Variants in NCOA7 observed in about 807,000 individuals in gnomAD.
NCOA7 encodes the protein nuclear receptor coactivator 7.
NCOA7 carries 45 observed loss-of-function variants against 104.3 expected under a neutral mutation model. The observed-to-expected ratio is 0.43, with a 90% CI of 0.34 to 0.55. NCOA7 has a LOEUF of 0.55. Ranked by LOEUF, NCOA7 falls within the 20% of genes least tolerant of loss-of-function variation. NCOA7 has a pLI of 0.02. For synonymous variants in NCOA7, 398 were observed against 402.3 expected, an observed-to-expected ratio of 0.99 and a Z score of 0.13; for missense variants, 1,041 against 1,119.7, an observed-to-expected ratio of 0.93 and a Z score of 1.00.
At chr6:125,782,584 G>A (rs1472295109) in intron 1 of NCOA7, among the ~76,000 whole-genome samples, 3 of 152,200 alleles carry the variant, frequency 2.0e-5, no homozygotes, top group Admixed American at 2.0e-4. Context: ...CTCTGGAACA[G>A]TTTCCCCAGC....
chr6:125,788,544 T>TTC (rs1274690421), upstream of NCOA7, among the ~76,000 whole-genome samples: 1 of 151,664 alleles, frequency 6.6e-6, no homozygotes, highest in African/African-American at 2.4e-5. Flanking sequence ...GAAGACCTTT[T>TTC]TTTTTTTTTT....
chr6:125,927,909 G>A, intron 14 of NCOA7, 151 bp downstream of exon 14: 1 of 732,210 alleles, frequency 1.4e-6, no homozygotes, highest in Non-Finnish European at 2.3e-6. Context: ...CTCGCAAACT[G>A]CTTAGCGTCC....
At chr6:125,834,819 G>A (rs1316032547) in intron 2 of NCOA7, among the ~76,000 whole-genome samples, 1 of 152,176 alleles carries the variant, frequency 6.6e-6, no homozygotes, top group African/African-American at 2.4e-5. Flanking sequence ...AAAAGAGATA[G>A]GAAGTGGGCT....
chr6:125,901,784 G>A (rs1785527628), intron 10 of NCOA7, among the ~76,000 whole-genome samples: 1 of 152,168 alleles, frequency 6.6e-6, no homozygotes, highest in Non-Finnish European at 1.5e-5. Flanking sequence ...AAGAAATCAG[G>A]TCCCATGGCC....
At chr6:125,816,098 G>A (rs1777568985) in intron 2 of NCOA7, among the ~76,000 whole-genome samples, 1 of 152,142 alleles carries the variant, frequency 6.6e-6, no homozygotes, top group South Asian at 2.1e-4. Context: ...CTCCTAAATT[G>A]AAATACATGT....
chr6:125,879,816 G>A (rs1438776406), intron 5 of NCOA7, among the ~76,000 whole-genome samples: 2 of 152,112 alleles, frequency 1.3e-5, no homozygotes, highest in African/African-American at 4.8e-5. Flanking sequence ...GACCAACATG[G>A]TGAAACCCCA....
chr6:125,850,738 C>T (rs1262199249), intron 2 of NCOA7, among the ~76,000 whole-genome samples: 1 of 152,178 alleles, frequency 6.6e-6, no homozygotes, highest in East Asian at 1.9e-4. Context: ...GAATCACCTT[C>T]GGAAGGGGGC....
chr6:125,840,868 G>GTTTTTTTTTTTTTTTTTTT lies in NCOA7; in HGVS notation c.51-14128_51-14110dup, dbSNP rs57168444. ...TTTTATGGTTTTTTTTGTTTGGTTG[G>GTTTTTTTTTTTTTTTTTTT]TTTTTTTTTTTTTTTTTTTTTTTTT... On this transcript the variant is annotated intron_variant, in intron 2 of 15. Transcript: ENST00000392477. Among the ~76,000 whole-genome samples, 20 of 40,376 alleles carry GTTTTTTTTTTTTTTTTTTT rather than the reference G, an allele frequency of 5.0e-4. 2 individuals are homozygous for GTTTTTTTTTTTTTTTTTTT. Among genetic ancestry groups the GTTTTTTTTTTTTTTTTTTT allele is most frequent in the South Asian group, 1.3e-3 (1 of 800 alleles). The allele number at this position is 40,376 out of a possible 152,430, so 26.5% of individuals were successfully genotyped here.
chr6:125,828,516 A>T (rs1353692796), intron 2 of NCOA7, among the ~76,000 whole-genome samples: 1 of 152,188 alleles, frequency 6.6e-6, no homozygotes, highest in Non-Finnish European at 1.5e-5. Context: ...CCTTGGCAGG[A>T]GGAAGATGTG....
At chr6:125,906,340 C>T (rs991285951) in intron 10 of NCOA7, among the ~76,000 whole-genome samples, 1 of 151,740 alleles carries the variant, frequency 6.6e-6, no homozygotes, top group Non-Finnish European at 1.5e-5. Context: ...GTGGGGTGAG[C>T]TTGAAAAAAT....
At chr6:125,856,043 C>A (rs947000508) in intron 3 of NCOA7, among the ~76,000 whole-genome samples, 1 of 152,084 alleles carries the variant, frequency 6.6e-6, no homozygotes, top group Non-Finnish European at 1.5e-5. Flanking sequence ...CCTGAATCAC[C>A]CATCTCACAC....
At chr6:125,801,481 G>GT (rs1433765347) in intron 1 of NCOA7, among the ~76,000 whole-genome samples, 3 of 152,210 alleles carry the variant, frequency 2.0e-5, no homozygotes, top group Non-Finnish European at 1.5e-5. Flanking sequence ...GTGTATAAAA[G>GT]TAATTTAAAA....
chr6:125,866,011 A>G (rs141729693), intron 3 of NCOA7, among the ~76,000 whole-genome samples: 1,779 of 136,976 alleles, frequency 0.013, 273 homozygotes, highest in Middle Eastern at 0.026. Flanking sequence ...TTAGGCAGAT[A>G]TAAGTGCTAT....
At chr6:125,877,625 A>G (rs1783489993) in intron 4 of NCOA7, among the ~76,000 whole-genome samples, 1 of 152,228 alleles carries the variant, frequency 6.6e-6, no homozygotes, top group Non-Finnish European at 1.5e-5. Flanking sequence ...CACCTGGGAC[A>G]TATGTCACAA....
chr6:125,915,551 A>G (rs1466668584), intron 11 of NCOA7, 71 bp downstream of exon 11: 14 of 1,575,564 alleles, frequency 8.9e-6, no homozygotes, highest in Non-Finnish European at 1.1e-5. Flanking sequence ...TTCAGATTCC[A>G]TGTAACAGGC....
chr6:125,919,576 G>T (rs1016224551), intron 11 of NCOA7: 4 of 760,890 alleles, frequency 5.3e-6, no homozygotes, highest in Non-Finnish European at 2.1e-6. Context: ...TGCGGAGAGG[G>T]TTATGGTGTG....
chr6:125,883,164 A>G (rs1289954721), intron 7 of NCOA7, among the ~76,000 whole-genome samples: 3 of 151,906 alleles, frequency 2.0e-5, no homozygotes, highest in Non-Finnish European at 4.4e-5. Context: ...TTTTGTTTTC[A>G]CTAAGAACAA....
intron 2 of NCOA7, among the ~76,000 whole-genome samples, chr6:125,826,525 T>TA (rs1778675332): frequency 6.6e-6 from 1 of 152,080 alleles, no homozygotes; most frequent in South Asian, 2.1e-4. Flanking sequence ...TGCAACTAGA[T>TA]ATTTAAGACT....
At chr6:125,807,583 T>A (rs1776576309) in intron 1 of NCOA7, among the ~76,000 whole-genome samples, 1 of 152,180 alleles carries the variant, frequency 6.6e-6, no homozygotes, top group African/African-American at 2.4e-5. Flanking sequence ...AACATCAGAT[T>A]CATGTGGGGT....
Sources: gnomAD v4.1 joint callset for allele counts (sites outside exome capture counted in the v4.1 genomes callset) on GRCh38, gnomAD v4.1.1 for gene constraint, MANE v1.5 for transcripts, NCBI Gene and HGNC (gene_info 2026-07-23, HGNC 2026-07-21) for gene names.